The following ADAM12 variants were observed in gnomAD, a reference collection of about 807,000 sequenced individuals.
ADAM12 encodes disintegrin and metalloproteinase domain-containing protein 12.
ADAM12 carries 70 observed loss-of-function variants against 106.4 expected under a neutral mutation model. The ratio of observed to expected loss-of-function variants is 0.66; its 90% CI spans 0.54 to 0.80. The LOEUF (loss-of-function observed/expected upper bound fraction) is 0.80, where lower values mean the gene tolerates loss of function less well. Among genes scored for constraint, ADAM12 ranks in the 30% least tolerant of loss-of-function variants. ADAM12 has a pLI of 0.00. For missense variants in ADAM12, 1,010 were observed against 1,171.9 expected (o/e 0.86, Z 2.02); for synonymous variants, 420 against 433.5 (o/e 0.97, Z 0.39).
chr10:126,387,896 G>T (rs914694509), intron 1 of ADAM12, among the ~76,000 whole-genome samples, 162 bp downstream of exon 1: 2 of 150,420 alleles, frequency 1.3e-5, no homozygotes, highest in African/African-American at 2.5e-5. Flanking sequence ...ACCTGGGGGG[G>T]GGGGGTCGGT....
intron 3 of ADAM12, among the ~76,000 whole-genome samples, chr10:126,164,950 C>A (rs1243208330): frequency 1.3e-5 from 2 of 152,204 alleles, no homozygotes; most frequent in Non-Finnish European, 2.9e-5. Context: ...CTCAACTTTG[C>A]TCAAACTTCT....
rs573322936 is a variant in ADAM12, at chr10:126,149,151, G to A, written c.339+6076C>T. Reference sequence around the variant, plus strand: ...TTTCACACAGTAACCACATGGAAAAGGAGGAGAGGAAAAATGTGAGCTCCT... The same window carrying A: ...TTTCACACAGTAACCACATGGAAAAAGAGGAGAGGAAAAATGTGAGCTCCT... On this transcript the variant is annotated intron_variant, in intron 4 of 22. Coordinates refer to ENST00000448723, the MANE Select transcript of ADAM12 (RefSeq NM_001288973.2). Among the ~76,000 whole-genome samples the A allele has an allele frequency of 8.3e-4, 127 of 152,350 alleles. 1 individual carries two copies. Among genetic ancestry groups the A allele is most frequent in the Non-Finnish European group, 1.5e-3 (104 of 68,026 alleles).
chr10:126,335,212 C>T (rs1854656463), intron 1 of ADAM12, among the ~76,000 whole-genome samples: 1 of 152,174 alleles, frequency 6.6e-6, no homozygotes, highest in South Asian at 2.1e-4. Flanking sequence ...TCCTAAGCCA[C>T]CCAGTGGGCC....
rs144471562 is a variant in ADAM12, at chr10:126,157,009, G to A, written c.261-1704C>T. ...GAAGACACTCTCCACTCTTCACACC[G>A]TTTGGTTTTGTGTGTGTGTGTGTGG... On this transcript the variant is annotated intron_variant, in intron 3 of 22. Coordinates refer to ENST00000448723, the MANE Select transcript of ADAM12 (RefSeq NM_001288973.2). 1.3e-3 allele frequency among the ~76,000 whole-genome samples: 190 copies of A among 144,578 alleles called. 1 individual carries two copies. The highest frequency in any genetic ancestry group is 4.3e-3 in the African/African-American group (174 of 40,540). The allele number at this position is 144,578 out of a possible 152,430, so 94.8% of individuals were successfully genotyped here.
chr10:126,311,998 G>A (rs889113229), intron 2 of ADAM12, among the ~76,000 whole-genome samples: 2 of 152,036 alleles, frequency 1.3e-5, no homozygotes, highest in Non-Finnish European at 2.9e-5. Context: ...TTTGCAATTG[G>A]CGTCTGAAGT....
intron 3 of ADAM12, among the ~76,000 whole-genome samples, chr10:126,156,907 C>T (rs946538017): frequency 1.3e-5 from 2 of 152,210 alleles, no homozygotes; most frequent in Non-Finnish European, 2.9e-5. Context: ...GTCTGGACAA[C>T]AGGGAGTCAA....
chr10:126,248,908 G>A (rs1958687079), intron 3 of ADAM12, among the ~76,000 whole-genome samples: 1 of 151,946 alleles, frequency 6.6e-6, no homozygotes, highest in Non-Finnish European at 1.5e-5. Flanking sequence ...TTTTCATGAT[G>A]TTGGTCAGGC....
At chr10:126,380,269 A>G (rs370732544) in intron 1 of ADAM12, among the ~76,000 whole-genome samples, 17 of 152,226 alleles carry the variant, frequency 1.1e-4, no homozygotes, top group East Asian at 7.7e-4. Context: ...AAAGTGTAAT[A>G]TTCAATGTGC....
chr10:126,151,273 G>A (rs1287249036), intron 4 of ADAM12, among the ~76,000 whole-genome samples: 1 of 152,086 alleles, frequency 6.6e-6, no homozygotes, highest in Non-Finnish European at 1.5e-5. Flanking sequence ...GGCTCTATGG[G>A]GTTAGGAAAG....
At chr10:126,137,157 C>T (rs1381154536) in intron 4 of ADAM12, among the ~76,000 whole-genome samples, 1 of 152,142 alleles carries the variant, frequency 6.6e-6, no homozygotes, top group Admixed American at 6.5e-5. Context: ...TGAGAGCCAG[C>T]TGTGCTTTGC....
At chr10:126,228,443 G>A (rs544981255) in intron 3 of ADAM12, among the ~76,000 whole-genome samples, 129 of 152,118 alleles carry the variant, frequency 8.5e-4, no homozygotes, top group Non-Finnish European at 1.6e-3. Flanking sequence ...TACAATGTTG[G>A]GCTCAGATAG....
chr10:126,269,568 G>A (rs11244929), intron 3 of ADAM12, among the ~76,000 whole-genome samples: 4,531 of 152,246 alleles, frequency 0.03, 63 homozygotes, highest in Non-Finnish European at 0.041. Flanking sequence ...CACCAGGAGA[G>A]GGAAGGTGCA....
chr10:126,026,533 C>T (rs1427046302), intron 21 of ADAM12, among the ~76,000 whole-genome samples: 3 of 152,154 alleles, frequency 2.0e-5, no homozygotes. Context: ...AAGTAAAACA[C>T]TCCTCAGCTA....
intron 4 of ADAM12, among the ~76,000 whole-genome samples, chr10:126,143,460 GTATA>G (rs1256697724): frequency 2.0e-5 from 3 of 151,266 alleles, no homozygotes; most frequent in Non-Finnish European, 4.4e-5. Flanking sequence ...GCATGTGTGT[GTATA>G]TGTATGTGTG....
chr10:126,221,158 C>T (rs1380174452), intron 3 of ADAM12, among the ~76,000 whole-genome samples: 4 of 152,076 alleles, frequency 2.6e-5, no homozygotes, highest in African/African-American at 9.7e-5. Context: ...CTGAGGCAGG[C>T]AGGTCACTTG....
chr10:126,182,946 C>G (rs1373771590), intron 3 of ADAM12, among the ~76,000 whole-genome samples: 1 of 152,240 alleles, frequency 6.6e-6, no homozygotes, highest in Non-Finnish European at 1.5e-5. Context: ...GGCCACACAG[C>G]AGGAGGTGAG....
At chr10:126,310,092 G>A (rs1013739725) in intron 2 of ADAM12, among the ~76,000 whole-genome samples, 38 of 151,690 alleles carry the variant, frequency 2.5e-4, no homozygotes, top group African/African-American at 8.7e-4. Context: ...CCAGGAGGCG[G>A]AGGATGTGCT....
intron 2 of ADAM12, among the ~76,000 whole-genome samples, chr10:126,306,690 A>G (rs1198136954): frequency 6.6e-6 from 1 of 152,184 alleles, no homozygotes; most frequent in Non-Finnish European, 1.5e-5. Context: ...CTTCCAAGAT[A>G]TCTTTCCATT....
At chr10:126,354,012 TG>T (rs1485775304) in intron 1 of ADAM12, among the ~76,000 whole-genome samples, 1 of 151,490 alleles carries the variant, frequency 6.6e-6, no homozygotes, top group African/African-American at 2.4e-5. Context: ...ATATTTGAAA[TG>T]TTTTTTATAA....
Sources: allele counts gnomAD v4.1 joint callset (sites outside exome capture counted in the v4.1 genomes callset), GRCh38; gene constraint gnomAD v4.1.1; transcripts MANE v1.5; gene names NCBI Gene and HGNC (gene_info 2026-07-23, HGNC 2026-07-21).